SMURF2: variants seen among roughly 807,000 people sequenced by gnomAD.
SMURF2 encodes the protein SMAD specific E3 ubiquitin protein ligase 2, also known as E3 ubiquitin-protein ligase SMURF2.
Under a neutral mutation model 109.6 loss-of-function variants are expected in SMURF2, and 48 were observed. That is an observed-to-expected ratio of 0.44 (90% CI 0.35 to 0.56). SMURF2 has a LOEUF of 0.56. Ranked by LOEUF, SMURF2 falls within the 20% of genes least tolerant of loss-of-function variation. The pLI is 0.01. For missense variants in SMURF2, 575 were observed against 909.0 expected, an observed-to-expected ratio of 0.63 and a Z score of 4.72; for synonymous variants, 288 against 317.1, an observed-to-expected ratio of 0.91 and a Z score of 0.97.
chr17:64,575,100 C>CT lies in SMURF2; in HGVS notation c.858-3145dup, dbSNP rs199924886. Among the ~76,000 whole-genome samples, 174 of 142,054 alleles carry CT rather than the reference C, an allele frequency of 1.2e-3. 1 individual carries two copies. In the East Asian group the frequency reaches 0.027, roughly 22 times the overall value. The allele number at this position is 142,054 out of a possible 152,430, so 93.2% of individuals were successfully genotyped here. On this transcript the variant is annotated intron_variant, in intron 9 of 18. Transcript: ENST00000262435. The stretch of plus-strand genomic sequence containing the variant: ...AGTTAGGCCCTTGGATTTTTTTTTT[C>CT]TTTTTTTAGTAAGCTTAAAAAAAAA...
At chr17:64,565,249 G>GAA (rs1386345870) in intron 10 of SMURF2, among the ~76,000 whole-genome samples, 1 of 149,468 alleles carries the variant, frequency 6.7e-6, no homozygotes, top group African/African-American at 2.5e-5. Context: ...TGCACTCAGG[G>GAA]AAAAAAAAAA....
chr17:64,601,469 A>C lies in SMURF2; in HGVS notation c.92-2979T>G, dbSNP rs569909766. 1.7e-4 allele frequency among the ~76,000 whole-genome samples: 26 copies of C among 152,362 alleles called. No individual in the cohort carries two copies. In the South Asian group the frequency reaches 5.4e-3, roughly 32 times the overall value. On this transcript the variant is annotated intron_variant, in intron 2 of 18. Transcript: ENST00000262435. ...AAAATGCTCAGCATCACTAAGTATC[A>C]GGGAAATGCAAATCAGAACTATAAT...
intron 1 of SMURF2, among the ~76,000 whole-genome samples, chr17:64,626,333 A>G (rs1212579619): frequency 2.6e-5 from 4 of 152,116 alleles, no homozygotes; most frequent in African/African-American, 9.7e-5. Flanking sequence ...GCAGGGTCAT[A>G]TATAGCCATG....
chr17:64,556,704 A>G (rs1969124549), intron 13 of SMURF2, among the ~76,000 whole-genome samples: 1 of 152,104 alleles, frequency 6.6e-6, no homozygotes, highest in South Asian at 2.1e-4. Context: ...TCCCTAAATA[A>G]CTTCTTGAAA....
chr17:64,549,309 C>T (rs1353886400), intron 16 of SMURF2, among the ~76,000 whole-genome samples: 10 of 147,400 alleles, frequency 6.8e-5, no homozygotes, highest in Admixed American at 2.0e-4. Flanking sequence ...GTTAGCCAGG[C>T]GTGGTGGTGC....
At chr17:64,555,231 G>A (rs1365552175) in intron 14 of SMURF2, among the ~76,000 whole-genome samples, 2 of 152,144 alleles carry the variant, frequency 1.3e-5, no homozygotes, top group Admixed American at 1.3e-4. Flanking sequence ...TCAAAGCTGG[G>A]CCTTGCTAGA....
chr17:64,566,839 G>A (rs1465665379), intron 10 of SMURF2, among the ~76,000 whole-genome samples: 1 of 150,132 alleles, frequency 6.7e-6, no homozygotes, highest in African/African-American at 2.5e-5. Context: ...CAAAGCGCTG[G>A]GATTACAGGC....
intron 1 of SMURF2, among the ~76,000 whole-genome samples, chr17:64,646,469 T>C (rs1350600827): frequency 6.6e-6 from 1 of 151,410 alleles, no homozygotes; most frequent in Non-Finnish European, 1.5e-5. Flanking sequence ...CTGCAACCTC[T>C]GCCTGCTGGG....
At chr17:64,640,917 CAA>C (rs1189014538) in intron 1 of SMURF2, among the ~76,000 whole-genome samples, 7 of 86,022 alleles carry the variant, frequency 8.1e-5, no homozygotes, top group Admixed American at 1.3e-4. Context: ...GACTCCATCT[CAA>C]AAAAAAAAAA....
intron 16 of SMURF2, among the ~76,000 whole-genome samples, chr17:64,548,124 A>G (rs375478604): frequency 9.8e-5 from 15 of 152,326 alleles, no homozygotes; most frequent in African/African-American, 3.1e-4. Context: ...AGAATGTTTC[A>G]TAAGTTCATA....
intron 1 of SMURF2, among the ~76,000 whole-genome samples, chr17:64,610,514 A>G (rs1970029014): frequency 6.6e-6 from 1 of 152,108 alleles, no homozygotes. Context: ...AGAACAGAAA[A>G]CCAAACACCA....
At chr17:64,660,499 G>A (rs1970761503) in intron 1 of SMURF2, among the ~76,000 whole-genome samples, 1 of 152,208 alleles carries the variant, frequency 6.6e-6, no homozygotes, top group African/African-American at 2.4e-5. Context: ...AAACTGCCAT[G>A]AAAGTAATAT....
intron 1 of SMURF2, among the ~76,000 whole-genome samples, chr17:64,622,685 A>G (rs1200731500): frequency 6.6e-6 from 1 of 152,222 alleles, no homozygotes; most frequent in Admixed American, 6.5e-5. Flanking sequence ...TACTATCAAC[A>G]TGATTTATCA....
intron 2 of SMURF2, among the ~76,000 whole-genome samples, chr17:64,606,307 T>C (rs2144675019): frequency 6.6e-6 from 1 of 152,314 alleles, no homozygotes; most frequent in East Asian, 1.9e-4. Flanking sequence ...TCTAGAACTC[T>C]AGTAGTATGC....
At chr17:64,632,003 C>T (rs113389190) in intron 1 of SMURF2, among the ~76,000 whole-genome samples, 2,974 of 137,414 alleles carry the variant, frequency 0.022, 129 homozygotes, top group African/African-American at 0.079. Context: ...CACTCGCCCA[C>T]GCTGAGTACA....
chr17:64,546,702 G>A (rs1187648937), intron 17 of SMURF2, among the ~76,000 whole-genome samples: 1 of 152,200 alleles, frequency 6.6e-6, no homozygotes, highest in East Asian at 1.9e-4. Context: ...ATGACGACCT[G>A]ATGCAAATTT....
At chr17:64,599,968 C>T (rs1555688412) in intron 2 of SMURF2, among the ~76,000 whole-genome samples, 1 of 152,122 alleles carries the variant, frequency 6.6e-6, no homozygotes, top group Non-Finnish European at 1.5e-5. Context: ...ATGACTGACC[C>T]AGTAAGAGAG....
intron 1 of SMURF2, among the ~76,000 whole-genome samples, chr17:64,642,694 G>A (rs1290616269): frequency 6.6e-6 from 1 of 152,186 alleles, no homozygotes; most frequent in Non-Finnish European, 1.5e-5. Context: ...TAAGCACTGT[G>A]TGTAGGCAAA....
rs1969583280 is a variant in SMURF2 at position 64,581,937 on chromosome 17, G to T, written c.570-946C>A. ...GATCGTACCACTGCACTCTAGCCTAGGCAATAGAGCGGGACTCCATCTCCA... is the reference window on the plus strand; with the variant it reads ...GATCGTACCACTGCACTCTAGCCTATGCAATAGAGCGGGACTCCATCTCCA... On this transcript the variant is annotated intron_variant, in intron 7 of 18. Coordinates refer to ENST00000262435, the MANE Select transcript of SMURF2 (RefSeq NM_022739.4). The surrounding 1 kb of genome is among the most constrained non-coding windows in gnomAD (Gnocchi z 4.3). 6.6e-6 allele frequency among the ~76,000 whole-genome samples: 1 copy of T among 151,244 alleles called. No homozygotes were observed. The highest frequency in any genetic ancestry group is 1.5e-5 in the Non-Finnish European group (1 of 67,904).
Sources: allele counts gnomAD v4.1 joint callset (sites outside exome capture counted in the v4.1 genomes callset), GRCh38; gene constraint gnomAD v4.1.1; non-coding constraint Gnocchi (gnomAD v3.1); transcripts MANE v1.5; gene names NCBI Gene and HGNC (gene_info 2026-07-23, HGNC 2026-07-21).